Variants in SEC63 observed in about 807,000 individuals in gnomAD.
The protein encoded by SEC63 is SEC63 protein translocation regulator, also known as translocation protein SEC63 homolog.
SEC63 carries 56 observed loss-of-function variants against 116.2 expected under a neutral mutation model. The observed-to-expected ratio is 0.48, with a 90% confidence interval of 0.39 to 0.60. The LOEUF (loss-of-function observed/expected upper bound fraction) is 0.60, where lower values mean the gene tolerates loss of function less well. Among genes scored for constraint, SEC63 ranks in the 20% least tolerant of loss-of-function variants. The probability of loss-of-function intolerance (pLI) is 0.00; values close to 1 mark genes in which losing one functional copy is unlikely to be tolerated. For synonymous variants in SEC63, 273 were observed against 294.6 expected, an observed-to-expected ratio of 0.93 and a Z score of 0.75; for missense variants, 668 against 900.0, an observed-to-expected ratio of 0.74 and a Z score of 3.30.
At chr6:107,876,687 A>AG (rs1562312427) in intron 18 of SEC63, 25 bp from the exon 19 acceptor site, 8 of 1,429,218 alleles carry the variant, frequency 5.6e-6, no homozygotes, top group South Asian at 2.4e-5. Context: ...AAAAAAAAAA[A>AG]AAGAAGAGGG....
intron 18 of SEC63, among the ~76,000 whole-genome samples, chr6:107,877,916 C>T (rs902431381): frequency 7.2e-5 from 11 of 152,136 alleles, no homozygotes; most frequent in African/African-American, 2.2e-4. Context: ...GACAAGTACA[C>T]GGTGACATGA....
In SEC63 at chr6:107,910,603, CGT is replaced by C. The variant is rs142259344; in HGVS notation, c.624+741_624+742del. Among the ~76,000 whole-genome samples the C allele has an allele frequency of 6.4e-3, 977 of 152,150 alleles. 16 individuals carry two copies. Among genetic ancestry groups the C allele is most frequent in the African/African-American group, 0.023 (940 of 41,502 alleles). ...CATACACATGTATGTCATACACACA[CGT>C]GTCATACATATATGCACGTGTCATG... On this transcript the variant is annotated intron_variant, in intron 7 of 20. Transcript: ENST00000369002.
intron 2 of SEC63, 128 bp downstream of exon 2, chr6:107,929,287 C>A: frequency 1.6e-6 from 1 of 621,418 alleles, no homozygotes; most frequent in Non-Finnish European, 2.9e-6. Context: ...TTTCTCCTAT[C>A]TTACCCTTAC....
chr6:107,917,539 C>T (rs1787436258), intron 4 of SEC63, among the ~76,000 whole-genome samples: 1 of 152,134 alleles, frequency 6.6e-6, no homozygotes. Context: ...ATGTCAAAAG[C>T]CAAAACAAGC....
chr6:107,934,000 G>C (rs1787871323), intron 1 of SEC63, among the ~76,000 whole-genome samples: 1 of 152,248 alleles, frequency 6.6e-6, no homozygotes, highest in Non-Finnish European at 1.5e-5. Context: ...CGGGTTTGCA[G>C]ACGGAGTCTG....
At chr6:107,891,379 C>A (rs1444141039) in intron 16 of SEC63, among the ~76,000 whole-genome samples, 1 of 151,886 alleles carries the variant, frequency 6.6e-6, no homozygotes, top group African/African-American at 2.4e-5. Context: ...CTTGTGTATG[C>A]TTCACGAAGT....
In SEC63 at chr6:107,955,254, C is replaced by T. The variant is rs554589411; in HGVS notation, c.124+2632G>A. Among the ~76,000 whole-genome samples, 139 of 152,268 alleles carry T rather than the reference C, an allele frequency of 9.1e-4. 1 individual carries two copies. Among genetic ancestry groups the T allele is most frequent in the African/African-American group, 3.1e-3 (127 of 41,564 alleles). ...TCGGCTCATTGCAACCTCCAGCTCC[C>T]GGGTTCAAGCAATTCTCCCTGCCTC... is the stretch of plus-strand genomic sequence containing the variant. On this transcript the variant is annotated intron_variant, in intron 1 of 20. Transcript: ENST00000369002.
intron 1 of SEC63, among the ~76,000 whole-genome samples, chr6:107,952,229 T>C (rs186689562): frequency 6.6e-6 from 1 of 152,252 alleles, no homozygotes; most frequent in African/African-American, 2.4e-5. Context: ...AGTATTCCAT[T>C]AATAATGTTT....
At chr6:107,919,686 T>TGG (rs1165267118) in intron 4 of SEC63, among the ~76,000 whole-genome samples, 1 of 151,722 alleles carries the variant, frequency 6.6e-6, no homozygotes, top group Non-Finnish European at 1.5e-5. Context: ...GCCGGGCATG[T>TGG]TGGCGGGTGC....
chr6:107,887,511 CA>C (rs1786559742), intron 16 of SEC63, among the ~76,000 whole-genome samples: 1 of 147,816 alleles, frequency 6.8e-6, no homozygotes, highest in South Asian at 2.2e-4. Context: ...AAAAACCAAA[CA>C]CCGCATATTC....
At chr6:107,884,896 C>T (rs535966930) in intron 16 of SEC63, among the ~76,000 whole-genome samples, 1 of 149,290 alleles carries the variant, frequency 6.7e-6, no homozygotes, top group East Asian at 2.0e-4. Context: ...TTTTTAAATC[C>T]ATCAATCTAA....
At chr6:107,919,807 G>A (rs1437813112) in intron 4 of SEC63, among the ~76,000 whole-genome samples, 4 of 151,246 alleles carry the variant, frequency 2.6e-5, no homozygotes, top group African/African-American at 9.7e-5. Flanking sequence ...GGGCGACAGA[G>A]CAAGACTCCA....
intron 19 of SEC63, among the ~76,000 whole-genome samples, chr6:107,875,102 G>C (rs904154201): frequency 3.3e-5 from 5 of 152,004 alleles, no homozygotes; most frequent in Admixed American, 6.6e-5. Context: ...GGGCTCAACT[G>C]ATCTGCCCGC....
At chr6:107,946,444 T>A (rs2114513561) in intron 1 of SEC63, among the ~76,000 whole-genome samples, 1 of 150,788 alleles carries the variant, frequency 6.6e-6, no homozygotes, top group East Asian at 2.0e-4. Context: ...CCTCAAACAA[T>A]CTGCCCGCCT....
chr6:107,903,961 T>C (rs943040299), intron 11 of SEC63, among the ~76,000 whole-genome samples: 3 of 150,796 alleles, frequency 2.0e-5, no homozygotes, highest in Non-Finnish European at 4.4e-5. Flanking sequence ...CTACTAAAAA[T>C]ACAAAAATTA....
intron 1 of SEC63, among the ~76,000 whole-genome samples, chr6:107,939,963 G>C (rs1437632979): frequency 5.9e-5 from 9 of 152,108 alleles, no homozygotes; most frequent in African/African-American, 2.2e-4. Context: ...TTAGCCATAT[G>C]TCTCATTCCC....
At chr6:107,929,550 AT>A in intron 1 of SEC63, 36 bp from the exon 2 acceptor site, 2 of 1,279,412 alleles carry the variant, frequency 1.6e-6, no homozygotes. Context: ...ATTAAAAACC[AT>A]TTTTCACAAG....
rs1020460990 is a variant in SEC63 at position 107,950,946 on chromosome 6, T to G, written c.124+6940A>C. Among the ~76,000 whole-genome samples the G allele has an allele frequency of 1.1e-4, 16 of 152,338 alleles. No homozygotes were observed. In the East Asian group the frequency reaches 1.9e-3, roughly 18 times the overall value. On this transcript the variant is annotated intron_variant, in intron 1 of 20. Coordinates refer to ENST00000369002, the MANE Select transcript of SEC63 (RefSeq NM_007214.5). ...GTTATTTTCTCTTGTCAGATAATAC[T>G]CTTGTCAAATATATCAATGAAAGCC...
At chr6:107,872,778 T>C in intron 20 of SEC63, 30 bp downstream of exon 20, 1 of 1,238,164 alleles carries the variant, frequency 8.1e-7, no homozygotes, top group Non-Finnish European at 1.2e-6. Flanking sequence ...TACAGAAAAC[T>C]CTTATTTATT....
Sources: gnomAD v4.1 joint callset for allele counts (sites outside exome capture counted in the v4.1 genomes callset) on GRCh38, gnomAD v4.1.1 for gene constraint, MANE v1.5 for transcripts, NCBI Gene and HGNC (gene_info 2026-07-23, HGNC 2026-07-21) for gene names.